The following GNAQ variants were observed in gnomAD, a reference collection of about 807,000 sequenced individuals.
The protein encoded by GNAQ is G protein subunit alpha q.
Under a neutral mutation model 43.9 loss-of-function variants are expected in GNAQ, and 8 were observed. That is an observed-to-expected ratio of 0.18 (90% CI 0.11 to 0.33). The LOEUF (loss-of-function observed/expected upper bound fraction) is 0.33, where lower values mean the gene tolerates loss of function less well. Among genes scored for constraint, GNAQ ranks in the 10% least tolerant of loss-of-function variants. The probability of loss-of-function intolerance (pLI) is 1.00; values close to 1 mark genes in which losing one functional copy is unlikely to be tolerated. For missense variants in GNAQ, 158 were observed against 450.8 expected (o/e 0.35, Z 5.88); for synonymous variants, 155 against 170.7 (o/e 0.91, Z 0.71).
At chr9:77,753,086 C>CAAAAAAA (rs547963667) in intron 5 of GNAQ, among the ~76,000 whole-genome samples, 27 of 52,126 alleles carry the variant, frequency 5.2e-4, no homozygotes, top group Non-Finnish European at 1.0e-3. Context: ...GACTCTGTCT[C>CAAAAAAA]AAAAAAAAAA....
intron 2 of GNAQ, among the ~76,000 whole-genome samples, chr9:77,886,972 A>G (rs976949384): frequency 7.3e-6 from 1 of 137,490 alleles, no homozygotes; most frequent in Non-Finnish European, 1.6e-5. Context: ...AAAAAAAAAA[A>G]TTAGCTGGGC....
chr9:77,867,694 G>A (rs1055047044), intron 2 of GNAQ, among the ~76,000 whole-genome samples: 4 of 152,174 alleles, frequency 2.6e-5, no homozygotes, highest in Admixed American at 2.0e-4. Flanking sequence ...GTGTATGGAA[G>A]CATCACATGC....
At chr9:77,998,048 TCATA>T (rs1422475607) in intron 1 of GNAQ, among the ~76,000 whole-genome samples, 1 of 152,078 alleles carries the variant, frequency 6.6e-6, no homozygotes, top group East Asian at 1.9e-4. Context: ...TCCCCACTTC[TCATA>T]CACACACACA....
intron 2 of GNAQ, among the ~76,000 whole-genome samples, chr9:77,880,030 C>G (rs1484422348): frequency 6.6e-6 from 1 of 152,100 alleles, no homozygotes; most frequent in Non-Finnish European, 1.5e-5. Context: ...AGTAGAAAAT[C>G]AATCATCACA....
At chr9:77,762,474 G>T (rs544819083) in intron 5 of GNAQ, among the ~76,000 whole-genome samples, 13 of 136,264 alleles carry the variant, frequency 9.5e-5, no homozygotes, top group East Asian at 4.5e-4. Context: ...GGAGGGAGGT[G>T]GGGGGGTCAG....
At chr9:77,734,240 A>T (rs1290458643) in intron 5 of GNAQ, among the ~76,000 whole-genome samples, 1 of 152,180 alleles carries the variant, frequency 6.6e-6, no homozygotes, top group Non-Finnish European at 1.5e-5. Flanking sequence ...CCTCATTATC[A>T]TTATCTTGCC....
At chr9:77,741,418 C>T (rs2118260141) in intron 5 of GNAQ, among the ~76,000 whole-genome samples, 1 of 152,090 alleles carries the variant, frequency 6.6e-6, no homozygotes, top group Non-Finnish European at 1.5e-5. Flanking sequence ...CCCGATAAAT[C>T]TGTCATTATA....
chr9:77,994,640 T>TC (rs2118532890), intron 1 of GNAQ, among the ~76,000 whole-genome samples: 1 of 152,318 alleles, frequency 6.6e-6, no homozygotes, highest in African/African-American at 2.4e-5. Flanking sequence ...TCAAAGGTAT[T>TC]CTTTCTCCCT....
intron 5 of GNAQ, among the ~76,000 whole-genome samples, chr9:77,734,252 A>G (rs986786790): frequency 6.6e-6 from 1 of 152,212 alleles, no homozygotes; most frequent in African/African-American, 2.4e-5. Context: ...TATCTTGCCA[A>G]TAAGAACATA....
chr9:77,918,019 C>T (rs1344316672), intron 2 of GNAQ, among the ~76,000 whole-genome samples: 1 of 152,180 alleles, frequency 6.6e-6, no homozygotes, highest in African/African-American at 2.4e-5. Context: ...CCCCTGACCA[C>T]AGCACCCTCC....
chr9:77,839,444 T>C (rs1381887766), intron 2 of GNAQ, among the ~76,000 whole-genome samples: 2 of 152,254 alleles, frequency 1.3e-5, no homozygotes, highest in African/African-American at 2.4e-5. Context: ...GGGCTAAGTA[T>C]ACTGGGGAGA....
intron 2 of GNAQ, among the ~76,000 whole-genome samples, chr9:77,832,208 G>T (rs1827310618): frequency 6.6e-6 from 1 of 151,832 alleles, no homozygotes; most frequent in Non-Finnish European, 1.5e-5. Flanking sequence ...AACTGATAAT[G>T]GAGGGGAGCT....
At chr9:77,853,426 T>C (rs1827702028) in intron 2 of GNAQ, among the ~76,000 whole-genome samples, 1 of 152,180 alleles carries the variant, frequency 6.6e-6, no homozygotes, top group African/African-American at 2.4e-5. Flanking sequence ...ATATTATTAT[T>C]ATTTATACCA....
chr9:77,956,460 A>G (rs560694527), intron 1 of GNAQ, among the ~76,000 whole-genome samples: 1 of 152,326 alleles, frequency 6.6e-6, no homozygotes, highest in African/African-American at 2.4e-5. Context: ...TTCCAAATCC[A>G]GAAGACTAAT....
chr9:77,758,883 T>C (rs181998419), intron 5 of GNAQ, among the ~76,000 whole-genome samples: 207 of 152,280 alleles, frequency 1.4e-3, no homozygotes, highest in South Asian at 6.0e-3. Context: ...CAAAGGCAAA[T>C]AACATATATA....
At chr9:77,954,997 T>A (rs1360389271) in intron 1 of GNAQ, among the ~76,000 whole-genome samples, 1 of 152,188 alleles carries the variant, frequency 6.6e-6, no homozygotes, top group Non-Finnish European at 1.5e-5. Flanking sequence ...CTCTCCTGCA[T>A]AACCACCGAA....
rs1825288900 is a variant in GNAQ, at chr9:77,720,186, C to G, written c.*1137G>C. The G allele has an allele frequency of 8.6e-6, 2 of 233,232 alleles. No homozygotes were observed. The highest frequency in any genetic ancestry group is 4.4e-5 in the African/African-American group (2 of 45,334). The allele number at this position is 233,232 out of a possible 1,614,324, so 14.4% of individuals were successfully genotyped here. A position where few individuals can be genotyped will look rare whatever the true frequency, so the allele number is the denominator to read the frequency against. Reference sequence around the variant, plus strand: ...GTGAGAATCAAATTTCTAGTTACAACTGTTTGGCAAATGGCATTTCTGGTT... The same window carrying G: ...GTGAGAATCAAATTTCTAGTTACAAGTGTTTGGCAAATGGCATTTCTGGTT... On this transcript the variant is annotated 3_prime_UTR_variant, in exon 7 of 7. Coordinates refer to ENST00000286548, the MANE Select transcript of GNAQ (RefSeq NM_002072.5).
chr9:77,940,436 G>A (rs1403000197), intron 1 of GNAQ, among the ~76,000 whole-genome samples: 2 of 152,060 alleles, frequency 1.3e-5, no homozygotes, highest in Admixed American at 1.3e-4. Flanking sequence ...ACAAAAATTA[G>A]CTGGGCATGG....
At chr9:77,737,888 C>G (rs978389920) in intron 5 of GNAQ, among the ~76,000 whole-genome samples, 1 of 152,166 alleles carries the variant, frequency 6.6e-6, no homozygotes, top group Non-Finnish European at 1.5e-5. Context: ...TGCTCAGGTC[C>G]GCTTAGTATC....
Sources: gnomAD v4.1 joint callset for allele counts (sites outside exome capture counted in the v4.1 genomes callset) on GRCh38, gnomAD v4.1.1 for gene constraint, MANE v1.5 for transcripts, NCBI Gene and HGNC (gene_info 2026-07-23, HGNC 2026-07-21) for gene names.